Variants in SLC7A11 observed in about 807,000 individuals in gnomAD.
SLC7A11 encodes cystine/glutamate transporter.
Under a neutral mutation model 54.5 loss-of-function variants are expected in SLC7A11, and 35 were observed. The observed-to-expected ratio is 0.64, with a 90% confidence interval of 0.49 to 0.85. The LOEUF is 0.85. SLC7A11 is among the 40% of genes least tolerant of loss of function. The pLI is 0.00. For missense variants in SLC7A11, 583 were observed against 618.1 expected (o/e 0.94, Z 0.60); for synonymous variants, 230 against 225.2 (o/e 1.02, Z -0.19).
chr4:138,232,402 T>C lies in SLC7A11; in HGVS notation c.405-20A>G. The C allele has an allele frequency of 7.0e-7, 1 of 1,436,000 alleles. No individual in the cohort carries two copies. The highest frequency in any genetic ancestry group is 9.8e-7 in the Non-Finnish European group (1 of 1,022,456). 89.0% of individuals were successfully genotyped at this position (1,436,000 alleles called of 1,614,324 possible). A position where few individuals can be genotyped will look rare whatever the true frequency, so the allele number is the denominator to read the frequency against. The stretch of plus-strand genomic sequence containing the variant: ...GCAGGGCTAAAAAAAAATGTATATA[T>C]TTAGGTTAACCACAGGGGAAAAAAC... On this transcript the variant is annotated intron_variant, in intron 2 of 11. Transcript: ENST00000280612.
rs574834611 is a variant in SLC7A11, at chr4:138,171,759, A to G, written c.*197T>C. 605 of 601,014 alleles carry G rather than the reference A, an allele frequency of 1.0e-3. 5 individuals carry two copies. In the South Asian group the frequency reaches 0.012, roughly 12 times the overall value. The allele number at this position is 601,014 out of a possible 1,614,324, so 37.2% of individuals were successfully genotyped here. On this transcript the variant is annotated 3_prime_UTR_variant, in exon 12 of 12. Coordinates refer to ENST00000280612, the MANE Select transcript of SLC7A11 (RefSeq NM_014331.4). ...CGACTCATAGAATAACTGCATATTCACTTTCTATAACTACATAGAGTTATA... is the reference window on the plus strand; with the variant it reads ...CGACTCATAGAATAACTGCATATTCGCTTTCTATAACTACATAGAGTTATA...
chr4:138,211,685 T>G (rs147569496), intron 6 of SLC7A11, among the ~76,000 whole-genome samples: 2 of 151,914 alleles, frequency 1.3e-5, no homozygotes, highest in South Asian at 4.1e-4. Context: ...AAACACACAC[T>G]AGAATACTAT....
chr4:138,234,056 A>G (rs1738147636), intron 2 of SLC7A11, among the ~76,000 whole-genome samples: 1 of 152,178 alleles, frequency 6.6e-6, no homozygotes, highest in Non-Finnish European at 1.5e-5. Flanking sequence ...TAGCAATTTT[A>G]TATTTACCTA....
At chr4:138,172,842 T>C (rs551630478) in intron 11 of SLC7A11, among the ~76,000 whole-genome samples, 45 of 152,222 alleles carry the variant, frequency 3.0e-4, no homozygotes, top group African/African-American at 8.9e-4. Flanking sequence ...TGCCTCTTTT[T>C]TTGTTTTGTT....
intron 11 of SLC7A11, chr4:138,174,475 T>G (rs1327918618): frequency 6.6e-6 from 1 of 152,256 alleles, no homozygotes; most frequent in Non-Finnish European, 1.5e-5. Context: ...ATCTCAGGAT[T>G]TGAATGACTT....
intron 4 of SLC7A11, among the ~76,000 whole-genome samples, chr4:138,221,221 G>A (rs914330784): frequency 6.6e-6 from 1 of 152,126 alleles, no homozygotes; most frequent in Non-Finnish European, 1.5e-5. Flanking sequence ...TATTACAAAA[G>A]AGAGGCATTT....
At chr4:138,237,038 T>C (rs1305286666) in intron 1 of SLC7A11, among the ~76,000 whole-genome samples, 1 of 136,960 alleles carries the variant, frequency 7.3e-6, no homozygotes, top group African/African-American at 2.7e-5. Context: ...CAAGCTGGAG[T>C]GCAGTGGCGC....
intron 3 of SLC7A11, among the ~76,000 whole-genome samples, chr4:138,228,154 C>G (rs1352017141): frequency 2.0e-5 from 3 of 152,020 alleles, no homozygotes; most frequent in Non-Finnish European, 2.9e-5. Context: ...TTGCTTGTTC[C>G]TCCCAATTAC....
chr4:138,213,925 A>G (rs1215815767), intron 6 of SLC7A11, among the ~76,000 whole-genome samples: 1 of 152,154 alleles, frequency 6.6e-6, no homozygotes, highest in African/African-American at 2.4e-5. Flanking sequence ...TCTTTTGCCC[A>G]TGAATTATTT....
At position 138,170,267 on chromosome 4, in the gene SLC7A11, TATATACAC is replaced by T. The variant is rs1419751734; in HGVS notation, c.*1681_*1688del. On this transcript the variant is annotated 3_prime_UTR_variant, in exon 12 of 12. Transcript: ENST00000280612. ...GTGTGTGTGTATATATATATATATA[TATATACAC>T]ACACACACACACACACACATACACA... 5 of 91,496 alleles carry T rather than the reference TATATACAC, an allele frequency of 5.5e-5. No homozygotes were observed. The highest frequency in any genetic ancestry group is 1.1e-4 in the Admixed American group (1 of 9,030). 5.7% of individuals were successfully genotyped at this position (91,496 alleles called of 1,614,324 possible).
intron 6 of SLC7A11, among the ~76,000 whole-genome samples, chr4:138,185,949 T>A (rs985179624): frequency 1.3e-5 from 2 of 152,102 alleles, no homozygotes; most frequent in South Asian, 4.1e-4. Context: ...AAGCTCAAGA[T>A]CGTGAGTATC....
intron 11 of SLC7A11, 38 bp from the exon 12 acceptor site, chr4:138,172,055 A>G (rs996410631): frequency 1.9e-6 from 3 of 1,564,602 alleles, no homozygotes; most frequent in Non-Finnish European, 2.6e-6. Flanking sequence ...ATGCATGGAA[A>G]TCAGAAATGC....
intron 11 of SLC7A11, chr4:138,177,786 C>T (rs1356324764): frequency 6.6e-6 from 1 of 152,100 alleles, no homozygotes; most frequent in African/African-American, 2.4e-5. Flanking sequence ...TAGTCATCTA[C>T]TATGTTTTCT....
At chr4:138,198,237 G>T (rs915815558) in intron 6 of SLC7A11, among the ~76,000 whole-genome samples, 2 of 151,852 alleles carry the variant, frequency 1.3e-5, no homozygotes, top group East Asian at 1.9e-4. Flanking sequence ...AATAAAAAAT[G>T]ATTATTATAT....
intron 6 of SLC7A11, among the ~76,000 whole-genome samples, chr4:138,213,180 C>T (rs1253130671): frequency 6.6e-6 from 1 of 151,982 alleles, no homozygotes; most frequent in Non-Finnish European, 1.5e-5. Flanking sequence ...AATATGTGTT[C>T]TCGACCTACA....
intron 4 of SLC7A11, among the ~76,000 whole-genome samples, chr4:138,222,339 A>C (rs535918639): frequency 6.6e-6 from 1 of 152,312 alleles, no homozygotes; most frequent in African/African-American, 2.4e-5. Context: ...AACGTCATTA[A>C]ATTTCTCTAG....
intron 1 of SLC7A11, among the ~76,000 whole-genome samples, chr4:138,239,224 C>T (rs890461413): frequency 1.2e-4 from 18 of 152,126 alleles, no homozygotes; most frequent in Admixed American, 1.1e-3. Flanking sequence ...GAATCAATAC[C>T]TAGACCTCTA....
At chr4:138,236,588 G>C in intron 1 of SLC7A11, 137 bp from the exon 2 acceptor site, 2 of 760,432 alleles carry the variant, frequency 2.6e-6, no homozygotes, top group Non-Finnish European at 4.2e-6. Context: ...CCTTACTCAA[G>C]ACAAATAACC....
chr4:138,196,002 TA>T (rs112224607), intron 6 of SLC7A11, among the ~76,000 whole-genome samples: 49 of 152,102 alleles, frequency 3.2e-4, no homozygotes, highest in African/African-American at 1.1e-3. Context: ...AAAGAAGGCT[TA>T]AAAAAATGGA....
Sources: allele counts gnomAD v4.1 joint callset (sites outside exome capture counted in the v4.1 genomes callset), GRCh38; gene constraint gnomAD v4.1.1; transcripts MANE v1.5; gene names NCBI Gene and HGNC (gene_info 2026-07-23, HGNC 2026-07-21).